Variants in BCAP29 observed in about 807,000 individuals in gnomAD.
BCAP29 encodes the protein B cell receptor associated protein 29, also known as B-cell receptor-associated protein 29.
In BCAP29, 34 loss-of-function variants were observed where a neutral mutation model predicts 31.8. The ratio of observed to expected loss-of-function variants is 1.07; its 90% CI spans 0.81 to 1.42. BCAP29 has a LOEUF of 1.42. Ranked by LOEUF, BCAP29 falls within the 40% of genes most tolerant of loss-of-function variation. The pLI is 0.00. For synonymous variants in BCAP29, 104 were observed against 91.3 expected (o/e 1.14, Z -0.79); for missense variants, 314 against 269.2 (o/e 1.17, Z -1.16).
Position 107,609,918 on chromosome 7 carries a change from A to G in BCAP29, c.590-3414A>G, listed in dbSNP as rs111620391. ...GCTCAGTCCTTACAGCTGTTGTACA[A>G]CAGCCCAACTTTAGCTGTCATGCCA... On this transcript the variant is annotated intron_variant, in intron 6 of 7. Transcript: ENST00000005259. Among the ~76,000 whole-genome samples, 503 of 152,356 alleles carry G rather than the reference A, an allele frequency of 3.3e-3. 4 individuals carry two copies. The highest frequency in any genetic ancestry group is 0.011 in the African/African-American group (473 of 41,586).
intron 2 of BCAP29, 131 bp from the exon 3 acceptor site, chr7:107,583,747 TAATA>T (rs1312326256): frequency 6.4e-6 from 3 of 468,226 alleles, no homozygotes; most frequent in Non-Finnish European, 1.1e-5. Context: ...ATGTCAGAAT[TAATA>T]AATTTTAAAA....
chr7:107,589,942 C>A (rs1287072289), intron 3 of BCAP29, among the ~76,000 whole-genome samples: 2 of 152,060 alleles, frequency 1.3e-5, no homozygotes, highest in African/African-American at 4.8e-5. Flanking sequence ...GCTACTGTGC[C>A]CAGCCCCTAC....
intron 6 of BCAP29, chr7:107,603,305 A>C (rs1399183592): frequency 6.6e-6 from 1 of 152,120 alleles, no homozygotes; most frequent in South Asian, 2.1e-4. Context: ...TGTAGCATTC[A>C]GTCATTGTAT....
At chr7:107,608,187 CA>C (rs1486505494) in intron 6 of BCAP29, among the ~76,000 whole-genome samples, 6 of 149,742 alleles carry the variant, frequency 4.0e-5, no homozygotes, top group Admixed American at 6.6e-5. Context: ...GATCAGTGTG[CA>C]AATGAGTGGA....
intron 7 of BCAP29, among the ~76,000 whole-genome samples, chr7:107,617,819 A>G (rs139113071): frequency 1.7e-3 from 254 of 152,100 alleles, no homozygotes; most frequent in African/African-American, 5.9e-3. Flanking sequence ...TGATGTAGAC[A>G]TTTACTTTCT....
At chr7:107,616,826 C>T (rs1814245803) in intron 7 of BCAP29, among the ~76,000 whole-genome samples, 1 of 152,144 alleles carries the variant, frequency 6.6e-6, no homozygotes. Context: ...GCAACCTCCA[C>T]CTCCCCAATT....
intron 2 of BCAP29, among the ~76,000 whole-genome samples, chr7:107,581,952 G>A (rs1806759982): frequency 6.6e-6 from 1 of 152,096 alleles, no homozygotes; most frequent in African/African-American, 2.4e-5. Flanking sequence ...AGTAGCCTAC[G>A]GTTACCTAGC....
In BCAP29 at chr7:107,583,994, A is replaced by T. The variant is rs1272956115; in HGVS notation, c.193+12A>T. On this transcript the variant is annotated intron_variant, in intron 3 of 7. Coordinates refer to ENST00000005259, the MANE Select transcript of BCAP29 (RefSeq NM_018844.4). ...TGTTCTATTTCTAGGTAAGTACTAGATCCCTTCTTTGAATAAATATAACTT... is the reference window on the plus strand; with the variant it reads ...TGTTCTATTTCTAGGTAAGTACTAGTTCCCTTCTTTGAATAAATATAACTT... 1.4e-6 allele frequency: 2 copies of T among 1,387,430 alleles called. No homozygotes were observed. The highest frequency in any genetic ancestry group is 2.0e-6 in the Non-Finnish European group (2 of 1,012,538). 85.9% of individuals were successfully genotyped at this position (1,387,430 alleles called of 1,614,324 possible).
chr7:107,602,562 A>G (rs141434052), intron 6 of BCAP29, among the ~76,000 whole-genome samples: 468 of 148,422 alleles, frequency 3.2e-3, no homozygotes, highest in African/African-American at 6.5e-3. Flanking sequence ...AAAAAAAGCA[A>G]TTTTTTTTTT....
At chr7:107,589,508 A>G (rs1004245924) in intron 3 of BCAP29, among the ~76,000 whole-genome samples, 6 of 152,192 alleles carry the variant, frequency 3.9e-5, no homozygotes, top group African/African-American at 2.4e-5. Context: ...ATCTAATGCC[A>G]CCACTGATCT....
At chr7:107,613,814 G>GT in intron 7 of BCAP29, 4 of 1,021,204 alleles carry the variant, frequency 3.9e-6, no homozygotes, top group Non-Finnish European at 6.1e-6. Context: ...CACTACTCTT[G>GT]TCTCAGTGTT....
chr7:107,583,302 A>T (rs1807039653), intron 2 of BCAP29, among the ~76,000 whole-genome samples: 1 of 150,250 alleles, frequency 6.7e-6, no homozygotes, highest in South Asian at 2.1e-4. Context: ...ACATGGTTTT[A>T]TATATATATA....
chr7:107,618,454 A>G lies in BCAP29; in HGVS notation c.*91A>G, dbSNP rs775895217. ...AAATTTAAGTTCAGAAAAATGCACT[A>G]TGACCGGTTCGTAATTTTTTTAATG... is the stretch of plus-strand genomic sequence containing the variant. On this transcript the variant is annotated 3_prime_UTR_variant, in exon 8 of 8. Coordinates refer to ENST00000005259, the MANE Select transcript of BCAP29 (RefSeq NM_018844.4). The G allele has an allele frequency of 4.3e-6, 7 of 1,613,102 alleles. No individual in the cohort carries two copies. The Admixed American group carries it at 5.0e-5, about 12-fold the overall frequency.
chr7:107,608,779 G>T (rs946857380), intron 6 of BCAP29, among the ~76,000 whole-genome samples: 4 of 152,166 alleles, frequency 2.6e-5, no homozygotes, highest in Non-Finnish European at 5.9e-5. Context: ...TTACTATCAG[G>T]TGACTAAAGT....
intron 6 of BCAP29, among the ~76,000 whole-genome samples, chr7:107,601,469 A>G (rs780872765): frequency 1.1e-4 from 16 of 152,214 alleles, no homozygotes; most frequent in Admixed American, 7.9e-4. Flanking sequence ...TTATTATTTC[A>G]AGTGAAAAAA....
At chr7:107,603,747 A>G (rs1811594701) in intron 6 of BCAP29, among the ~76,000 whole-genome samples, 1 of 151,488 alleles carries the variant, frequency 6.6e-6, no homozygotes, top group Non-Finnish European at 1.5e-5. Context: ...CTGGGACTAC[A>G]TGTGTGCACC....
intron 3 of BCAP29, among the ~76,000 whole-genome samples, chr7:107,587,237 C>G (rs1166590466): frequency 6.6e-6 from 1 of 152,146 alleles, no homozygotes; most frequent in Non-Finnish European, 1.5e-5. Context: ...ATTGGATCAT[C>G]TTCAGGTGGT....
rs1321484361 is a variant in BCAP29, at chr7:107,599,305, AATTTTAT to A, written c.481-1089_481-1083del. On this transcript the variant is annotated intron_variant, in intron 5 of 7. Transcript: ENST00000005259. The stretch of plus-strand genomic sequence containing the variant: ...AATTTTTATATATAAATTATATATA[AATTTTAT>A]ATATATATATATAAATATATATATG... Among the ~76,000 whole-genome samples, 46 of 42,902 alleles carry A rather than the reference AATTTTAT, an allele frequency of 1.1e-3. 5 individuals carry two copies. The highest frequency in any genetic ancestry group is 5.7e-3 in the African/African-American group (45 of 7,904). 28.1% of individuals were successfully genotyped at this position (42,902 alleles called of 152,430 possible). A position where few individuals can be genotyped will look rare whatever the true frequency, so the allele number is the denominator to read the frequency against.
downstream of BCAP29, chr7:107,621,650 A>G (rs1192214511): frequency 1.3e-5 from 6 of 468,924 alleles, no homozygotes; most frequent in East Asian, 3.5e-4. Flanking sequence ...AGATATTACC[A>G]CACAGAAGAG....
Sources: gnomAD v4.1 joint callset for allele counts (sites outside exome capture counted in the v4.1 genomes callset) on GRCh38, gnomAD v4.1.1 for gene constraint, MANE v1.5 for transcripts, NCBI Gene and HGNC (gene_info 2026-07-23, HGNC 2026-07-21) for gene names.